The following ARID3A variants were observed in gnomAD, a reference collection of about 807,000 sequenced individuals.
ARID3A encodes the protein AT-rich interactive domain-containing protein 3A.
Under a neutral mutation model 52.7 loss-of-function variants are expected in ARID3A, and 11 were observed. That is an observed-to-expected ratio of 0.21 (90% CI 0.13 to 0.35). The LOEUF (loss-of-function observed/expected upper bound fraction) is 0.35, where lower values mean the gene tolerates loss of function less well. Ranked by LOEUF, ARID3A falls within the 10% of genes least tolerant of loss-of-function variation. The probability of loss-of-function intolerance (pLI) is 1.00; values close to 1 mark genes in which losing one functional copy is unlikely to be tolerated. For synonymous variants in ARID3A, 404 were observed against 359.4 expected (o/e 1.12, Z -1.40); for missense variants, 721 against 838.5 (o/e 0.86, Z 1.73).
At position 966,486 on chromosome 19, in the gene ARID3A, GA is replaced by G. The variant is rs2038158999; in HGVS notation, c.1199-80del. ...AAAAAAAAAAAAAAAGAAAAGAAAA[GA>G]AAAAAGAAGGTGCATGTTCCTGCCT... On this transcript the variant is annotated intron_variant, in intron 6 of 8. Transcript: ENST00000263620. The G allele has an allele frequency of 6.2e-6, 6 of 966,468 alleles. No homozygotes were observed. The East Asian group carries it at 1.1e-4, about 18-fold the overall frequency. The allele number at this position is 966,468 out of a possible 1,614,324, so 59.9% of individuals were successfully genotyped here. A position where few individuals can be genotyped will look rare whatever the true frequency, so the allele number is the denominator to read the frequency against.
At chr19:949,396 G>A (rs1389055606) in intron 3 of ARID3A, among the ~76,000 whole-genome samples, 1 of 152,210 alleles carries the variant, frequency 6.6e-6, no homozygotes, top group Non-Finnish European at 1.5e-5. Flanking sequence ...GCCTCCGGGA[G>A]GGGGTGGGGG....
chr19:948,365 G>T (rs1207862601), intron 3 of ARID3A, among the ~76,000 whole-genome samples: 1 of 152,122 alleles, frequency 6.6e-6, no homozygotes, highest in Non-Finnish European at 1.5e-5. Context: ...TGCTGCCTCT[G>T]TCAGTCCTGG....
chr19:927,736 G>C (rs1171940771), intron 1 of ARID3A, among the ~76,000 whole-genome samples: 1 of 152,144 alleles, frequency 6.6e-6, no homozygotes, highest in African/African-American at 2.4e-5. Flanking sequence ...GGGGCTGGGT[G>C]CCGCCCTGGT....
At position 973,631 on chromosome 19, in the gene ARID3A, G is replaced by A. The variant is rs537780730; in HGVS notation, c.*1566G>A. On this transcript the variant is annotated 3_prime_UTR_variant, in exon 9 of 9. Coordinates refer to ENST00000263620, the MANE Select transcript of ARID3A (RefSeq NM_005224.3). ...CTCAGGGTGAGGATTTCAGGGCCCC[G>A]GCATCCTGAACACCCCCCACACCCC... 12 of 225,148 alleles carry A rather than the reference G, an allele frequency of 5.3e-5. No individual in the cohort carries two copies. The highest frequency in any genetic ancestry group is 2.5e-4 in the East Asian group (4 of 15,710). The allele number at this position is 225,148 out of a possible 1,614,324, so 13.9% of individuals were successfully genotyped here. A position where few individuals can be genotyped will look rare whatever the true frequency, so the allele number is the denominator to read the frequency against.
intron 3 of ARID3A, among the ~76,000 whole-genome samples, chr19:940,859 C>T (rs1007749515): frequency 2.6e-5 from 4 of 152,062 alleles, no homozygotes; most frequent in Admixed American, 6.5e-5. Context: ...GGGCAGCGCC[C>T]GCCTCATCAA....
In ARID3A at chr19:940,607, C is replaced by A. The variant is rs534787615; in HGVS notation, c.693+7865C>A. On this transcript the variant is annotated intron_variant, in intron 3 of 8. Coordinates refer to ENST00000263620, the MANE Select transcript of ARID3A (RefSeq NM_005224.3). ...AGGAGGAGAATTTTCCCAGCACAGGCGGGTGCTCTAGGCAGATGGTGCAGC... is the reference window on the plus strand; with the variant it reads ...AGGAGGAGAATTTTCCCAGCACAGGAGGGTGCTCTAGGCAGATGGTGCAGC... Among the ~76,000 whole-genome samples, 7 of 152,254 alleles carry A rather than the reference C, an allele frequency of 4.6e-5. No individual in the cohort carries two copies. The South Asian group carries it at 1.2e-3, about 27-fold the overall frequency.
intron 8 of ARID3A, chr19:968,738 T>C (rs2038216968): frequency 2.2e-6 from 1 of 446,048 alleles, no homozygotes; most frequent in South Asian, 3.3e-5. Context: ...CAGTGTGACG[T>C]TGGATGGTTC....
chr19:967,584 T>C (rs2098019), intron 7 of ARID3A, among the ~76,000 whole-genome samples: 144,157 of 152,238 alleles, frequency 0.95, 68,413 homozygotes, highest in East Asian at 1. Flanking sequence ...AAAAACAAAG[T>C]GGAGTATGGA....
At chr19:946,955 C>G (rs2037698748) in intron 3 of ARID3A, among the ~76,000 whole-genome samples, 1 of 149,474 alleles carries the variant, frequency 6.7e-6, no homozygotes, top group South Asian at 2.1e-4. Context: ...CTATGCCTGG[C>G]TAATTTTTTT....
At chr19:927,065 C>G (rs1382386361) in intron 1 of ARID3A, among the ~76,000 whole-genome samples, 1 of 152,090 alleles carries the variant, frequency 6.6e-6, no homozygotes, top group East Asian at 1.9e-4. Context: ...CTCTTCCCTT[C>G]GTGGAGTGAG....
At chr19:952,757 C>T (rs1599409223) in intron 3 of ARID3A, among the ~76,000 whole-genome samples, 1 of 152,010 alleles carries the variant, frequency 6.6e-6, no homozygotes, top group Non-Finnish European at 1.5e-5. Flanking sequence ...CTGGAGGGGG[C>T]CTGGGGGGCA....
At chr19:933,851 G>C (rs1017551058) in intron 3 of ARID3A, among the ~76,000 whole-genome samples, 27 of 148,606 alleles carry the variant, frequency 1.8e-4, no homozygotes, top group African/African-American at 5.7e-4. Flanking sequence ...CTCGGTGGGG[G>C]GGGGGGGCGT....
At chr19:931,644 C>T (rs1422421158) in intron 2 of ARID3A, among the ~76,000 whole-genome samples, 1 of 151,794 alleles carries the variant, frequency 6.6e-6, no homozygotes, top group Non-Finnish European at 1.5e-5. Context: ...AACCCCGTCT[C>T]CACTAAAAAT....
chr19:972,138 G>A lies in ARID3A; in HGVS notation c.*73G>A, dbSNP rs2038290396. The A allele has an allele frequency of 2.8e-6, 4 of 1,405,396 alleles. No homozygotes were observed. The East Asian group carries it at 1.2e-4, about 42-fold the overall frequency. 87.1% of individuals were successfully genotyped at this position (1,405,396 alleles called of 1,614,324 possible). A position where few individuals can be genotyped will look rare whatever the true frequency, so the allele number is the denominator to read the frequency against. On this transcript the variant is annotated 3_prime_UTR_variant, in exon 9 of 9. Transcript: ENST00000263620. ...GCAGGGGGTCCAGGTGGGCCACACAGGGGCCAGGATGGCGGAAGATACGGG... is the reference window on the plus strand; with the variant it reads ...GCAGGGGGTCCAGGTGGGCCACACAAGGGCCAGGATGGCGGAAGATACGGG...
upstream of ARID3A, chr19:925,974 A>AGGGGC (rs1044068569): frequency 3.5e-4 from 3 of 8,538 alleles, no homozygotes; most frequent in African/African-American, 1.6e-3. Context: ...GGGGTGGGGG[A>AGGGGC]GGGGCGGGGC....
intron 1 of ARID3A, among the ~76,000 whole-genome samples, chr19:927,196 C>T (rs1005729433): frequency 1.3e-5 from 2 of 151,996 alleles, no homozygotes; most frequent in Admixed American, 1.3e-4. Context: ...GAGGGTGTGG[C>T]CCAGGATCCC....
chr19:952,783 G>T (rs375975841), intron 3 of ARID3A, among the ~76,000 whole-genome samples: 32 of 152,216 alleles, frequency 2.1e-4, no homozygotes, highest in African/African-American at 7.7e-4. Context: ...TCTCCCAGGG[G>T]GCCCTGCAGA....
chr19:943,405 C>T (rs540902914), intron 3 of ARID3A, among the ~76,000 whole-genome samples: 26 of 151,684 alleles, frequency 1.7e-4, no homozygotes, highest in African/African-American at 5.8e-4. Flanking sequence ...CCCGTCTCTA[C>T]TAAAAATACA....
In ARID3A at chr19:960,721, C is replaced by T. The variant is rs1005105001; in HGVS notation, c.766+557C>T. On this transcript the variant is annotated intron_variant, in intron 4 of 8. Transcript: ENST00000263620. This position sits in a 1 kb window ranked among gnomAD's most constrained non-coding sequence, Gnocchi z 4.3. ...AAAAACGGGCCACAAACAGTCCCTG[C>T]CCAAAACTCAGTGGCCAGCAGGTAC... Among the ~76,000 whole-genome samples the T allele has an allele frequency of 2.0e-5, 3 of 152,142 alleles. No homozygotes were observed. Among genetic ancestry groups the T allele is most frequent in the African/African-American group, 7.2e-5 (3 of 41,414 alleles).
Sources: gnomAD v4.1 joint callset for allele counts (sites outside exome capture counted in the v4.1 genomes callset) on GRCh38, gnomAD v4.1.1 for gene constraint, Gnocchi (gnomAD v3.1) non-coding constraint, MANE v1.5 for transcripts, NCBI Gene and HGNC (gene_info 2026-07-23, HGNC 2026-07-21) for gene names.